The following RAB11FIP2 variants were observed in gnomAD, a reference collection of about 807,000 sequenced individuals.
RAB11FIP2 encodes the protein rab11 family-interacting protein 2.
RAB11FIP2 carries 16 observed loss-of-function variants against 40.9 expected under a neutral mutation model. The observed-to-expected ratio is 0.39, with a 90% CI of 0.26 to 0.59. The LOEUF (loss-of-function observed/expected upper bound fraction) is 0.59, where lower values mean the gene tolerates loss of function less well. Among genes scored for constraint, RAB11FIP2 ranks in the 20% least tolerant of loss-of-function variants. The probability of loss-of-function intolerance (pLI) is 0.53; values close to 1 mark genes in which losing one functional copy is unlikely to be tolerated. For synonymous variants in RAB11FIP2, 228 were observed against 213.7 expected, an observed-to-expected ratio of 1.07 and a Z score of -0.58; for missense variants, 532 against 606.2, an observed-to-expected ratio of 0.88 and a Z score of 1.28.
intron 4 of RAB11FIP2, among the ~76,000 whole-genome samples, chr10:118,014,442 T>C (rs1846192199): frequency 6.6e-6 from 1 of 152,192 alleles, no homozygotes; most frequent in South Asian, 2.1e-4. Context: ...AATGGAACTC[T>C]GAACAGAGAT....
intron 3 of RAB11FIP2, among the ~76,000 whole-genome samples, chr10:118,020,738 C>T (rs1170485447): frequency 6.6e-6 from 1 of 152,232 alleles, no homozygotes; most frequent in Admixed American, 6.5e-5. Flanking sequence ...GCAGACACCT[C>T]CCCACTAAAC....
At chr10:118,009,274 A>C in intron 4 of RAB11FIP2, 49 bp from the exon 5 acceptor site, 1 of 1,478,338 alleles carries the variant, frequency 6.8e-7, no homozygotes, top group Non-Finnish European at 9.3e-7. Context: ...CATCTGGGAC[A>C]AACATTAAGA....
At chr10:118,030,055 C>T (rs1181827695) in intron 3 of RAB11FIP2, among the ~76,000 whole-genome samples, 3 of 152,070 alleles carry the variant, frequency 2.0e-5, no homozygotes, top group African/African-American at 7.2e-5. Context: ...CAATTTTAGC[C>T]GACAAGTCAC....
chr10:118,018,472 T>C lies in RAB11FIP2; in HGVS notation c.1266-3362A>G, dbSNP rs541557930. Among the ~76,000 whole-genome samples the C allele has an allele frequency of 4.6e-5, 7 of 152,244 alleles. No individual in the cohort carries two copies. In the South Asian group the frequency reaches 1.5e-3, roughly 32 times the overall value. On this transcript the variant is annotated intron_variant, in intron 3 of 4. Transcript: ENST00000355624. The stretch of plus-strand genomic sequence containing the variant: ...AGATACACTCACATTTAAAAAGGAG[T>C]CTATGTAAAATGAAACTACAGAATT...
At position 118,046,160 on chromosome 10, in the gene RAB11FIP2, T is replaced by G; in HGVS notation, c.4A>C (p.Met2Leu). The G allele has an allele frequency of 1.9e-6, 3 of 1,613,272 alleles. No individual in the cohort carries two copies. The highest frequency in any genetic ancestry group is 2.5e-6 in the Non-Finnish European group (3 of 1,179,630). M[M>L]LSEQAQKWFP... is the part of the protein sequence containing the mutation. ...CACTTTTGGGCTTGCTCGGACAGCA[T>G]CATCCTGTCCTGTTTCTCTGCCCCC... Residue 2 changes from methionine to leucine, a missense_variant, in exon 1 of 5, where the codon ATG becomes CTG. By Grantham distance (15) the Met-to-Leu change is conservative (BLOSUM62 2). Coordinates refer to ENST00000355624, the MANE Select transcript of RAB11FIP2 (RefSeq NM_014904.3).
intron 3 of RAB11FIP2, among the ~76,000 whole-genome samples, chr10:118,023,223 A>T (rs889779931): frequency 1.2e-4 from 19 of 152,114 alleles, no homozygotes; most frequent in African/African-American, 4.1e-4. Flanking sequence ...TTACATGTTG[A>T]AGTTTTTGTT....
intron 3 of RAB11FIP2, among the ~76,000 whole-genome samples, chr10:118,026,567 TTC>T (rs1846346557): frequency 6.6e-6 from 1 of 152,186 alleles, no homozygotes; most frequent in Admixed American, 6.5e-5. Flanking sequence ...GACTGAAATG[TTC>T]TGAGGAGTTT....
chr10:118,022,487 C>T (rs899544302), intron 3 of RAB11FIP2, among the ~76,000 whole-genome samples: 2 of 152,172 alleles, frequency 1.3e-5, no homozygotes, highest in African/African-American at 4.8e-5. Flanking sequence ...TCCAATTTAC[C>T]TTTCCAGACT....
At chr10:118,009,269 G>A (rs759588453) in intron 4 of RAB11FIP2, 44 bp from the exon 5 acceptor site, 1 of 1,500,532 alleles carries the variant, frequency 6.7e-7, no homozygotes, top group South Asian at 1.2e-5. Flanking sequence ...TATAACATCT[G>A]GGACAAACAT....
intron 2 of RAB11FIP2, 104 bp downstream of exon 2, chr10:118,040,019 T>C (rs746906359): frequency 5.3e-5 from 62 of 1,174,572 alleles, no homozygotes; most frequent in Non-Finnish European, 6.8e-5. Context: ...ATTTGGAAAA[T>C]ACTACAAAGC....
At chr10:118,029,369 CCT>C (rs1386203280) in intron 3 of RAB11FIP2, among the ~76,000 whole-genome samples, 1 of 152,056 alleles carries the variant, frequency 6.6e-6, no homozygotes, top group African/African-American at 2.4e-5. Flanking sequence ...AACTAGTTTC[CCT>C]GTCTCAAGTC....
chr10:118,029,251 G>T (rs747169524), intron 3 of RAB11FIP2, among the ~76,000 whole-genome samples: 15 of 152,030 alleles, frequency 9.9e-5, no homozygotes, highest in Non-Finnish European at 1.3e-4. Flanking sequence ...AGCAGAATGG[G>T]TAAGTCCCAT....
In RAB11FIP2 at chr10:118,046,094, C is replaced by G; in HGVS notation, c.70G>C (p.Asp24His). The G allele has an allele frequency of 6.2e-7, 1 of 1,614,208 alleles. No homozygotes were observed. Among genetic ancestry groups the G allele is most frequent in the Admixed American group, 1.7e-5 (1 of 60,030 alleles). The change falls in exon 1 of 5, where the codon GAT becomes CAT. Residue 24 changes from aspartate (D) to histidine (H), a missense_variant. Transcript: ENST00000355624. ...CCACTTTTGCCTTTTGGCTTCAGAT[C>G]TTTGGCTTGGAGCACTGTGACCTGC... is the stretch of plus-strand genomic sequence containing the variant. ...HVQVTVLQAKDLKPKGKSGTN... is the reference protein window; with the variant it reads ...HVQVTVLQAKHLKPKGKSGTN...
chr10:118,016,639 T>C (rs1400480201), intron 3 of RAB11FIP2, among the ~76,000 whole-genome samples: 4 of 152,166 alleles, frequency 2.6e-5, no homozygotes, highest in African/African-American at 9.7e-5. Context: ...AGAAACACAT[T>C]CTGCTACATC....
At chr10:118,013,683 G>A (rs1020168858) in intron 4 of RAB11FIP2, among the ~76,000 whole-genome samples, 2 of 151,946 alleles carry the variant, frequency 1.3e-5, no homozygotes, top group Non-Finnish European at 2.9e-5. Flanking sequence ...CTGTCATTTA[G>A]AATAGTTAGT....
intron 3 of RAB11FIP2, chr10:118,033,903 T>C: frequency 1.4e-6 from 1 of 697,982 alleles, no homozygotes; most frequent in Non-Finnish European, 2.6e-6. Flanking sequence ...AATTTATCAT[T>C]TGGACAAGGG....
intron 3 of RAB11FIP2, among the ~76,000 whole-genome samples, chr10:118,036,292 A>G (rs564578203): frequency 1.3e-5 from 2 of 152,210 alleles, no homozygotes; most frequent in African/African-American, 2.4e-5. Context: ...CACTGGCCAC[A>G]AGAGTCCAGG....
intron 3 of RAB11FIP2, among the ~76,000 whole-genome samples, chr10:118,029,033 A>G (rs1024208514): frequency 1.3e-5 from 2 of 151,918 alleles, no homozygotes; most frequent in African/African-American, 2.4e-5. Context: ...TTAAAAAAAC[A>G]AAAAGAAAAA....
chr10:118,018,843 G>A (rs891452355), intron 3 of RAB11FIP2, among the ~76,000 whole-genome samples: 4 of 151,980 alleles, frequency 2.6e-5, no homozygotes, highest in Non-Finnish European at 5.9e-5. Flanking sequence ...AATCATTAGA[G>A]CAAAAAAACT....
Sources: gnomAD v4.1 joint callset for allele counts (sites outside exome capture counted in the v4.1 genomes callset) on GRCh38, gnomAD v4.1.1 for gene constraint, MANE v1.5 for transcripts, NCBI Gene and HGNC (gene_info 2026-07-23, HGNC 2026-07-21) for gene names.